WWOX: variants seen among roughly 807,000 people sequenced by gnomAD.
The protein encoded by WWOX is WW domain-containing oxidoreductase.
In WWOX, 69 loss-of-function variants were observed where a neutral mutation model predicts 46.2. That is an observed-to-expected ratio of 1.49 (90% CI 1.23 to 1.82). The LOEUF (loss-of-function observed/expected upper bound fraction) is 1.82. Ranked by LOEUF, WWOX falls within the 40% of genes most tolerant of loss-of-function variation. The probability of loss-of-function intolerance (pLI) is 0.00; values close to 1 mark genes in which losing one functional copy is unlikely to be tolerated. For missense variants in WWOX, 919 were observed against 542.6 expected (o/e 1.69, Z -6.89); for synonymous variants, 359 against 202.6 (o/e 1.77, Z -6.56).
rs1015197167 is a variant in WWOX, at chr16:79,082,927, G to C, written c.1057-128681G>C. Among the ~76,000 whole-genome samples the C allele has an allele frequency of 2.6e-5, 4 of 152,118 alleles. No homozygotes were observed. In the East Asian group the frequency reaches 7.7e-4, roughly 29 times the overall value. ...GGAGGGGCTCGGTTTTGGGAGGCCGGGGATACTAGAAGATAACCCTAAAAT... is the reference window on the plus strand; with the variant it reads ...GGAGGGGCTCGGTTTTGGGAGGCCGCGGATACTAGAAGATAACCCTAAAAT... On this transcript the variant is annotated intron_variant, in intron 8 of 8. Transcript: ENST00000566780.
intron 8 of WWOX, among the ~76,000 whole-genome samples, chr16:79,168,208 G>T (rs2050632036): frequency 6.6e-6 from 1 of 152,134 alleles, no homozygotes; most frequent in Admixed American, 6.5e-5. Flanking sequence ...ACAAGTTTCT[G>T]TGTGGACATG....
At chr16:78,876,597 T>A (rs1298963071) in intron 8 of WWOX, among the ~76,000 whole-genome samples, 1 of 152,166 alleles carries the variant, frequency 6.6e-6, no homozygotes, top group Non-Finnish European at 1.5e-5. Context: ...TTCGACTTAT[T>A]TTGCTTTGGA....
intron 8 of WWOX, among the ~76,000 whole-genome samples, chr16:79,153,273 T>C (rs1041378184): frequency 5.3e-5 from 8 of 152,194 alleles, no homozygotes; most frequent in African/African-American, 1.7e-4. Context: ...TGACTTCCTT[T>C]CTCCAGCTGT....
intron 8 of WWOX, among the ~76,000 whole-genome samples, chr16:78,702,166 G>T (rs1375582739): frequency 1.4e-5 from 2 of 144,044 alleles, no homozygotes; most frequent in East Asian, 4.0e-4. Flanking sequence ...TGCAGTGTCA[G>T]CTACTCCGGA....
chr16:78,774,817 C>T (rs900027752), intron 8 of WWOX, among the ~76,000 whole-genome samples: 1 of 152,152 alleles, frequency 6.6e-6, no homozygotes, highest in Admixed American at 6.5e-5. Flanking sequence ...CCCAGGAGAT[C>T]TTGTGCTTCC....
chr16:78,481,840 A>G (rs572569735), intron 8 of WWOX, among the ~76,000 whole-genome samples: 37 of 151,432 alleles, frequency 2.4e-4, no homozygotes, highest in African/African-American at 8.9e-4. Flanking sequence ...ACACATATCT[A>G]TGAACCTTTT....
At chr16:78,791,897 A>G (rs937313256) in intron 8 of WWOX, among the ~76,000 whole-genome samples, 1 of 152,114 alleles carries the variant, frequency 6.6e-6, no homozygotes, top group Non-Finnish European at 1.5e-5. Flanking sequence ...CAACAACAAC[A>G]ACAACAAACA....
chr16:78,424,087 TTTTTCTTTTC>T lies in WWOX; in HGVS notation c.606-768_606-759del, dbSNP rs139515737. 4.5e-3 allele frequency among the ~76,000 whole-genome samples: 638 copies of T among 140,244 alleles called. 20 individuals are homozygous for T. In the East Asian group the frequency reaches 0.062, roughly 14 times the overall value. 92.0% of individuals were successfully genotyped at this position (140,244 alleles called of 152,430 possible). A position where few individuals can be genotyped will look rare whatever the true frequency, so the allele number is the denominator to read the frequency against. ...TTGTTTTGTTTTTTCTTTTTCTTTG[TTTTTCTTTTC>T]TTTTCTTTTCTTTTTTTTTTTTGTT... On this transcript the variant is annotated intron_variant, in intron 6 of 8. Transcript: ENST00000566780.
intron 8 of WWOX, among the ~76,000 whole-genome samples, chr16:79,023,775 C>G (rs2047582321): frequency 7.7e-6 from 1 of 130,294 alleles, no homozygotes. Context: ...GGTGATACCC[C>G]ATCTCTACTA....
intron 8 of WWOX, among the ~76,000 whole-genome samples, chr16:78,449,582 G>A (rs1301916006): frequency 3.9e-5 from 6 of 152,080 alleles, no homozygotes; most frequent in African/African-American, 1.2e-4. Flanking sequence ...TCTTTTCTTC[G>A]TTCTTTTTCT....
intron 8 of WWOX, among the ~76,000 whole-genome samples, chr16:79,194,390 G>T (rs1299116413): frequency 2.6e-5 from 4 of 152,102 alleles, no homozygotes; most frequent in Admixed American, 6.5e-5. Flanking sequence ...ACCCCTCTCA[G>T]TGAGATCACA....
intron 8 of WWOX, among the ~76,000 whole-genome samples, chr16:78,464,991 G>A (rs2084040970): frequency 6.6e-6 from 1 of 152,290 alleles, no homozygotes; most frequent in African/African-American, 2.4e-5. Flanking sequence ...GAGGAGCAAA[G>A]GCACATCTTA....
intron 8 of WWOX, among the ~76,000 whole-genome samples, chr16:79,198,348 G>C (rs1318981193): frequency 6.6e-6 from 1 of 152,024 alleles, no homozygotes; most frequent in Non-Finnish European, 1.5e-5. Flanking sequence ...AAAGAGAAAA[G>C]TAAAGAAAAG....
chr16:78,642,389 T>A (rs544605279), intron 8 of WWOX, among the ~76,000 whole-genome samples: 2 of 152,318 alleles, frequency 1.3e-5, no homozygotes, highest in African/African-American at 4.8e-5. Flanking sequence ...TTTCCTTTTT[T>A]GCTCAAAGTC....
intron 5 of WWOX, among the ~76,000 whole-genome samples, chr16:78,234,822 T>G (rs2037384817): frequency 6.6e-6 from 1 of 150,990 alleles, no homozygotes; most frequent in Non-Finnish European, 1.5e-5. Flanking sequence ...CCCACACAGG[T>G]CTCATCAGCC....
intron 8 of WWOX, among the ~76,000 whole-genome samples, chr16:78,668,148 C>T (rs967223340): frequency 1.3e-5 from 2 of 152,130 alleles, no homozygotes; most frequent in African/African-American, 2.4e-5. Flanking sequence ...GCTGTGGTGG[C>T]ACATGCCTGT....
At chr16:78,217,645 A>C (rs2036765371) in intron 5 of WWOX, among the ~76,000 whole-genome samples, 1 of 152,188 alleles carries the variant, frequency 6.6e-6, no homozygotes, top group African/African-American at 2.4e-5. Context: ...ATTGAAAGTT[A>C]CTAGGTGCCA....
intron 8 of WWOX, among the ~76,000 whole-genome samples, chr16:78,702,001 A>C (rs1340329322): frequency 1.0e-5 from 1 of 97,860 alleles, no homozygotes; most frequent in African/African-American, 4.3e-5. Context: ...CCTGGGCTAC[A>C]TAAAATTATA....
chr16:79,054,197 C>G (rs944022283), intron 8 of WWOX, among the ~76,000 whole-genome samples: 1 of 152,112 alleles, frequency 6.6e-6, no homozygotes, highest in African/African-American at 2.4e-5. Flanking sequence ...GCTCTTTACC[C>G]ACAAAAGCAT....
Sources: allele counts gnomAD v4.1 joint callset (sites outside exome capture counted in the v4.1 genomes callset), GRCh38; gene constraint gnomAD v4.1.1; transcripts MANE v1.5; gene names NCBI Gene and HGNC (gene_info 2026-07-23, HGNC 2026-07-21).